The following RALGAPA1 variants were observed in gnomAD, a reference collection of about 807,000 sequenced individuals.
RALGAPA1 encodes ral GTPase-activating protein subunit alpha-1.
In RALGAPA1, 52 loss-of-function variants were observed where a neutral mutation model predicts 269.6. The observed-to-expected ratio is 0.19, with a 90% confidence interval of 0.15 to 0.24. The LOEUF is 0.24. Among genes scored for constraint, RALGAPA1 ranks in the 10% least tolerant of loss-of-function variants. The pLI is 1.00. For synonymous variants in RALGAPA1, 817 were observed against 1,008.3 expected, an observed-to-expected ratio of 0.81 and a Z score of 3.60; for missense variants, 1,917 against 3,013.9, an observed-to-expected ratio of 0.64 and a Z score of 8.52.
rs1054827187 is a variant in RALGAPA1 at position 35,718,839 on chromosome 14, GA to G, written c.2266+2848del. 1.3e-4 allele frequency among the ~76,000 whole-genome samples: 18 copies of G among 142,822 alleles called. No homozygotes were observed. In the East Asian group the frequency reaches 3.6e-3, roughly 28 times the overall value. 93.7% of individuals were successfully genotyped at this position (142,822 alleles called of 152,430 possible). ...ATAAATAAATAACTATAAAAAAATG[GA>G]TTTTTTTTTTTTTTTTGGAAACAGG... On this transcript the variant is annotated intron_variant, in intron 16 of 41. Coordinates refer to ENST00000680220, the MANE Select transcript of RALGAPA1 (RefSeq NM_001346249.2).
chr14:35,705,644 G>C (rs187716942), intron 16 of RALGAPA1, among the ~76,000 whole-genome samples: 3 of 152,086 alleles, frequency 2.0e-5, no homozygotes, highest in Non-Finnish European at 4.4e-5. Flanking sequence ...AGATGTTTGC[G>C]TGGACATGTT....
intron 1 of RALGAPA1, among the ~76,000 whole-genome samples, chr14:35,795,813 C>G (rs1419241244): frequency 1.7e-5 from 2 of 115,632 alleles, no homozygotes; most frequent in Non-Finnish European, 3.2e-5. Context: ...CATTTCTCTA[C>G]CAAAAAAAAA....
chr14:35,566,217 G>A (rs1003972419), intron 39 of RALGAPA1, among the ~76,000 whole-genome samples: 4 of 152,136 alleles, frequency 2.6e-5, no homozygotes, highest in African/African-American at 9.7e-5. Context: ...CAAGTGCAGC[G>A]AAGGAGAGGT....
At chr14:35,649,863 G>A (rs553598348) in intron 31 of RALGAPA1, among the ~76,000 whole-genome samples, 6 of 152,106 alleles carry the variant, frequency 3.9e-5, no homozygotes, top group Admixed American at 3.3e-4. Context: ...CTAGCAGAAC[G>A]CCACACTCAT....
intron 16 of RALGAPA1, among the ~76,000 whole-genome samples, chr14:35,710,439 G>T (rs1161390898): frequency 6.6e-6 from 1 of 152,102 alleles, no homozygotes; most frequent in Non-Finnish European, 1.5e-5. Context: ...TGTATTTTTA[G>T]TAGAGACAGG....
chr14:35,553,877 T>C (rs775118410), intron 39 of RALGAPA1, among the ~76,000 whole-genome samples: 9 of 152,222 alleles, frequency 5.9e-5, no homozygotes, highest in Non-Finnish European at 1.2e-4. Context: ...CTGTGCTCAA[T>C]GGCATAGTCT....
chr14:35,756,974 A>T, intron 6 of RALGAPA1, 66 bp from the exon 7 acceptor site: 1 of 1,336,974 alleles, frequency 7.5e-7, no homozygotes, highest in South Asian at 2.1e-5. Context: ...AATATAACCA[A>T]ATAAACTTTA....
At chr14:35,589,291 G>A (rs2058493248) in intron 37 of RALGAPA1, among the ~76,000 whole-genome samples, 1 of 152,104 alleles carries the variant, frequency 6.6e-6, no homozygotes, top group Non-Finnish European at 1.5e-5. Flanking sequence ...CTGGTCAAGG[G>A]ACACAAAATT....
chr14:35,684,973 G>A lies in RALGAPA1; in HGVS notation c.4250C>T (p.Ser1417Leu), dbSNP rs2140393654. ...SSDLISSDSH[S>L]DSFSAFQYDG... The stretch of plus-strand genomic sequence containing the variant: ...ATATTGGAAAGCGCTGAAAGAATCC[G>A]AATGACTATCTGAGCTGATAAGATC... Residue 1417 changes from serine (S) to leucine (L), a missense_variant, in exon 20 of 42, where the codon TCG becomes TTG. Coordinates refer to ENST00000680220, the MANE Select transcript of RALGAPA1 (RefSeq NM_001346249.2). The A allele has an allele frequency of 1.2e-6, 2 of 1,613,462 alleles. No homozygotes were observed. Among genetic ancestry groups the A allele is most frequent in the Non-Finnish European group, 1.7e-6 (2 of 1,179,904 alleles).
intron 39 of RALGAPA1, among the ~76,000 whole-genome samples, chr14:35,560,327 A>G (rs1339996202): frequency 6.6e-6 from 1 of 152,194 alleles, no homozygotes; most frequent in African/African-American, 2.4e-5. Context: ...TATATCATCC[A>G]GCAGTACTGA....
intron 35 of RALGAPA1, among the ~76,000 whole-genome samples, chr14:35,617,439 G>A (rs374108261): frequency 6.6e-6 from 1 of 152,114 alleles, no homozygotes; most frequent in Admixed American, 6.5e-5. Context: ...CCAATATGGT[G>A]AAACCCCATT....
At chr14:35,541,100 C>T (rs1345623645) in intron 41 of RALGAPA1, among the ~76,000 whole-genome samples, 1 of 130,244 alleles carries the variant, frequency 7.7e-6, no homozygotes, top group African/African-American at 3.1e-5. Flanking sequence ...GGCTGGAGTG[C>T]AGTGGCACGA....
At chr14:35,624,812 G>A (rs1212181853) in intron 35 of RALGAPA1, among the ~76,000 whole-genome samples, 1 of 152,102 alleles carries the variant, frequency 6.6e-6, no homozygotes, top group Non-Finnish European at 1.5e-5. Flanking sequence ...ACTAAGGTTT[G>A]CTTAAACATG....
At chr14:35,595,836 T>C (rs535268923) in intron 36 of RALGAPA1, 47 bp from the exon 37 acceptor site, 2 of 1,500,932 alleles carry the variant, frequency 1.3e-6, no homozygotes, top group African/African-American at 1.4e-5. Flanking sequence ...AAAACCCAAA[T>C]ACACTACAGA....
intron 16 of RALGAPA1, among the ~76,000 whole-genome samples, chr14:35,718,369 A>G (rs1361931777): frequency 6.6e-6 from 1 of 152,190 alleles, no homozygotes; most frequent in Admixed American, 6.5e-5. Context: ...ATAAGCCTGT[A>G]TCGACATAAA....
intron 16 of RALGAPA1, among the ~76,000 whole-genome samples, chr14:35,710,028 T>C (rs1567057954): frequency 6.6e-6 from 1 of 152,224 alleles, no homozygotes; most frequent in Non-Finnish European, 1.5e-5. Flanking sequence ...AATTTACAGA[T>C]GTCATAATTA....
chr14:35,762,840 A>G (rs17764207), intron 4 of RALGAPA1, 87 bp from the exon 5 acceptor site: 27,384 of 810,388 alleles, frequency 0.034, 580 homozygotes, highest in Non-Finnish European at 0.046. Flanking sequence ...ACACTTTTAA[A>G]TAAGTCCTTG....
chr14:35,667,291 G>A lies in RALGAPA1; in HGVS notation c.5203-2524C>T, dbSNP rs558715342. 6.6e-5 allele frequency among the ~76,000 whole-genome samples: 10 copies of A among 152,150 alleles called. No homozygotes were observed. In the South Asian group the frequency reaches 8.3e-4, roughly 13 times the overall value. On this transcript the variant is annotated intron_variant, in intron 26 of 41. Coordinates refer to ENST00000680220, the MANE Select transcript of RALGAPA1 (RefSeq NM_001346249.2). ...GGCGCACCTGTAGTCCCAGCTACTC[G>A]GGAGGCTGAGGCAGGAGAATCGCTT...
chr14:35,600,198 C>T (rs1245642425), intron 36 of RALGAPA1, among the ~76,000 whole-genome samples: 4 of 120,156 alleles, frequency 3.3e-5, no homozygotes, highest in South Asian at 2.6e-4. Flanking sequence ...TTTTAGGTTT[C>T]TTTTCTTTTC....
Sources: gnomAD v4.1 joint callset for allele counts (sites outside exome capture counted in the v4.1 genomes callset) on GRCh38, gnomAD v4.1.1 for gene constraint, MANE v1.5 for transcripts, NCBI Gene and HGNC (gene_info 2026-07-23, HGNC 2026-07-21) for gene names.